The following WFDC10B variants were observed in gnomAD, a reference collection of about 807,000 sequenced individuals.
The protein encoded by WFDC10B is WAP four-disulfide core domain 10B.
In WFDC10B, 1 loss-of-function variant was observed where a neutral mutation model predicts 2.7. The ratio of observed to expected loss-of-function variants is 0.38; its 90% CI spans 0.13 to 1.79. The LOEUF (loss-of-function observed/expected upper bound fraction) is 1.79, where lower values mean the gene tolerates loss of function less well. Among genes scored for constraint, WFDC10B ranks in the 40% most tolerant of loss-of-function variants. The pLI, the probability that WFDC10B is intolerant of heterozygous loss-of-function variation, is 0.33. For synonymous variants in WFDC10B, 26 were observed against 32.2 expected (o/e 0.81, Z 0.65); for missense variants, 71 against 87.8 (o/e 0.81, Z 0.76).
chr20:45,702,265 G>A (rs1427180625), intron 2 of WFDC10B: 12 of 1,538,582 alleles, frequency 7.8e-6, no homozygotes, highest in Admixed American at 5.6e-5. Flanking sequence ...GATAGGAGAG[G>A]ATCTGAGGGC....
At chr20:45,693,530 T>C (rs150546304) in intron 2 of WFDC10B, among the ~76,000 whole-genome samples, 4,735 of 152,204 alleles carry the variant, frequency 0.031, 90 homozygotes, top group Middle Eastern at 0.12. Context: ...GCCTGTGCAA[T>C]GGTGGGCGCC....
In WFDC10B at chr20:45,689,159, G is replaced by A. The variant is rs549550647; in HGVS notation, c.-64-3103C>T. ...AAAGATCAGATAGTTGTAGATATGT[G>A]GCGTTATTTCTGAGGGCTCTGTTCT... is the stretch of plus-strand genomic sequence containing the variant. On this transcript the variant is annotated intron_variant, in intron 2 of 3. Transcript: ENST00000330523. Among the ~76,000 whole-genome samples the A allele has an allele frequency of 6.7e-3, 997 of 148,080 alleles. 15 individuals are homozygous for A. Among genetic ancestry groups the A allele is most frequent in the African/African-American group, 0.024 (938 of 39,130 alleles).
Position 45,684,685 on chromosome 20 carries a change from A to G in WFDC10B, c.*145T>C. 9.1e-7 allele frequency: 1 copy of G among 1,101,486 alleles called. No individual in the cohort carries two copies. The highest frequency in any genetic ancestry group is 1.5e-5 in the South Asian group (1 of 66,320). The allele number at this position is 1,101,486 out of a possible 1,614,324, so 68.2% of individuals were successfully genotyped here. ...ATTTGTTCTGGTTTATTTGACAGGG[A>G]CAGGGAGTTCAGACACTGGGGAGGG... is the stretch of plus-strand genomic sequence containing the variant. On this transcript the variant is annotated 3_prime_UTR_variant, in exon 4 of 4. Transcript: ENST00000330523.
intron 2 of WFDC10B, among the ~76,000 whole-genome samples, chr20:45,697,742 C>CTTTTT (rs1162470530): frequency 1.5e-4 from 17 of 113,396 alleles, no homozygotes; most frequent in East Asian, 2.5e-4. Flanking sequence ...ATTTCTTTTT[C>CTTTTT]TTTTTTTTTT....
At chr20:45,686,539 T>TGGG (rs11479569) in intron 2 of WFDC10B, among the ~76,000 whole-genome samples, 1 of 149,860 alleles carries the variant, frequency 6.7e-6, no homozygotes, top group Admixed American at 6.6e-5. Context: ...ATAATTTTTT[T>TGGG]GGGGGGGGGC....
rs939700145 is a variant in WFDC10B at position 45,690,600 on chromosome 20, T to C, written c.-64-4544A>G. Reference sequence around the variant, plus strand: ...GTACGTGTCGAGGAATTTATCCATTTCTTCTAGATTTTCTAGTTTATTTTC... The same window carrying C: ...GTACGTGTCGAGGAATTTATCCATTCCTTCTAGATTTTCTAGTTTATTTTC... On this transcript the variant is annotated intron_variant, in intron 2 of 3. Coordinates refer to ENST00000330523, the MANE Select transcript of WFDC10B (RefSeq NM_172006.2). Among the ~76,000 whole-genome samples, 36 of 152,166 alleles carry C rather than the reference T, an allele frequency of 2.4e-4. 1 individual carries two copies. The highest frequency in any genetic ancestry group is 8.4e-4 in the African/African-American group (35 of 41,438).
At chr20:45,688,983 T>G (rs1445852605) in intron 2 of WFDC10B, among the ~76,000 whole-genome samples, 3 of 151,646 alleles carry the variant, frequency 2.0e-5, no homozygotes, top group Non-Finnish European at 4.4e-5. Context: ...GGTATAACGT[T>G]TAAGTCTTTA....
chr20:45,687,474 T>C (rs1983658864), intron 2 of WFDC10B, among the ~76,000 whole-genome samples: 2 of 152,330 alleles, frequency 1.3e-5, no homozygotes, highest in South Asian at 4.1e-4. Context: ...AATGAACATA[T>C]GCATGCATGT....
At chr20:45,698,635 A>G (rs1984049524) in intron 2 of WFDC10B, among the ~76,000 whole-genome samples, 1 of 151,834 alleles carries the variant, frequency 6.6e-6, no homozygotes, top group South Asian at 2.1e-4. Flanking sequence ...ACATTTCTTC[A>G]AAGAAAATAT....
chr20:45,694,680 G>T (rs1272576314), intron 2 of WFDC10B, among the ~76,000 whole-genome samples: 1 of 152,170 alleles, frequency 6.6e-6, no homozygotes, highest in African/African-American at 2.4e-5. Context: ...TTTCCTGAGT[G>T]ATGGGTGTGT....
At chr20:45,696,048 A>G (rs1983966075) in intron 2 of WFDC10B, among the ~76,000 whole-genome samples, 1 of 152,074 alleles carries the variant, frequency 6.6e-6, no homozygotes, top group Non-Finnish European at 1.5e-5. Flanking sequence ...GCACTTTGGG[A>G]GGCCGAGGCA....
chr20:45,701,323 C>A (rs148853232), intron 2 of WFDC10B, among the ~76,000 whole-genome samples: 1 of 152,032 alleles, frequency 6.6e-6, no homozygotes, highest in East Asian at 1.9e-4. Flanking sequence ...AGTGAAGAGT[C>A]AATGTTTATT....
intron 1 of WFDC10B, 141 bp downstream of exon 1, chr20:45,704,777 C>A: frequency 8.1e-7 from 1 of 1,235,610 alleles, no homozygotes. Context: ...ATTAGAAAAG[C>A]CCTCCTCCCC....
At chr20:45,687,129 C>T (rs994035000) in intron 2 of WFDC10B, among the ~76,000 whole-genome samples, 1 of 152,152 alleles carries the variant, frequency 6.6e-6, no homozygotes, top group Non-Finnish European at 1.5e-5. Flanking sequence ...GCCCAGCATG[C>T]ATTAGCCATT....
Position 45,685,841 on chromosome 20 carries a change from C to T in WFDC10B, c.91+61G>A, listed in dbSNP as rs193281125. 44 of 1,596,474 alleles carry T rather than the reference C, an allele frequency of 2.8e-5. No homozygotes were observed. The African/African-American group carries it at 3.3e-4, about 12-fold the overall frequency. ...AGTCCTAGGTCCTACTCAGACTGGACACAGCTCCTCCATTCCCCCTACCCA... is the reference window on the plus strand; with the variant it reads ...AGTCCTAGGTCCTACTCAGACTGGATACAGCTCCTCCATTCCCCCTACCCA... On this transcript the variant is annotated intron_variant, in intron 3 of 3. Transcript: ENST00000330523.
At chr20:45,699,189 T>G (rs1984072021) in intron 2 of WFDC10B, among the ~76,000 whole-genome samples, 1 of 152,188 alleles carries the variant, frequency 6.6e-6, no homozygotes, top group Non-Finnish European at 1.5e-5. Flanking sequence ...AGTATTAAAT[T>G]GTTCAGCCGC....
At position 45,704,923 on chromosome 20, in the gene WFDC10B, G is replaced by T; in HGVS notation, c.-135C>A. 1 of 1,614,032 alleles carries T rather than the reference G, an allele frequency of 6.2e-7. No homozygotes were observed. The highest frequency in any genetic ancestry group is 8.5e-7 in the Non-Finnish European group (1 of 1,179,968). On this transcript the variant is annotated 5_prime_UTR_variant, in exon 1 of 4. It adds an upstream start codon to the 5' untranslated region. Coordinates refer to ENST00000330523, the MANE Select transcript of WFDC10B (RefSeq NM_172006.2). ...TTATCCCAGGGACACTGTACCTGCAGGTGTAACCAAAATCCCAAAGCAAAA... is the reference window on the plus strand; with the variant it reads ...TTATCCCAGGGACACTGTACCTGCATGTGTAACCAAAATCCCAAAGCAAAA...
chr20:45,695,615 G>A (rs747541453), intron 2 of WFDC10B, among the ~76,000 whole-genome samples: 20 of 152,112 alleles, frequency 1.3e-4, no homozygotes, highest in South Asian at 2.1e-4. Context: ...AAGGAAAACT[G>A]GAAAATTCTC....
chr20:45,701,579 C>G (rs1600965621), intron 2 of WFDC10B, among the ~76,000 whole-genome samples: 2 of 152,000 alleles, frequency 1.3e-5, no homozygotes, highest in African/African-American at 4.8e-5. Flanking sequence ...CTGGATAACA[C>G]AGTGAAACCC....
Sources: gnomAD v4.1 joint callset for allele counts (sites outside exome capture counted in the v4.1 genomes callset) on GRCh38, gnomAD v4.1.1 for gene constraint, MANE v1.5 for transcripts, NCBI Gene and HGNC (gene_info 2026-07-23, HGNC 2026-07-21) for gene names.